Variants in FARS2 observed in about 807,000 individuals in gnomAD.
FARS2 encodes the protein phenylalanine--tRNA ligase, mitochondrial.
A neutral mutation model predicts 46.4 loss-of-function variants in FARS2; 40 were observed. The observed-to-expected ratio is 0.86, with a 90% CI of 0.67 to 1.12. FARS2 has a LOEUF of 1.12. Among genes scored for constraint, FARS2 ranks in the 50% most tolerant of loss-of-function variants. FARS2 has a pLI of 0.00. For missense variants in FARS2, 513 were observed against 567.9 expected, an observed-to-expected ratio of 0.90 and a Z score of 0.98; for synonymous variants, 234 against 214.9, an observed-to-expected ratio of 1.09 and a Z score of -0.78.
chr6:5,367,273 C>T (rs1758744432), intron 1 of FARS2, among the ~76,000 whole-genome samples: 1 of 152,300 alleles, frequency 6.6e-6, no homozygotes, highest in Admixed American at 6.5e-5. Context: ...TATGATTGCA[C>T]GGCCCTTGAA....
At chr6:5,457,279 G>C (rs1430834333) in intron 4 of FARS2, among the ~76,000 whole-genome samples, 1 of 152,174 alleles carries the variant, frequency 6.6e-6, no homozygotes, top group Non-Finnish European at 1.5e-5. Context: ...GGGGGCATGG[G>C]TATTGAATGG....
At chr6:5,702,635 C>A (rs530292456) in intron 6 of FARS2, among the ~76,000 whole-genome samples, 1 of 152,268 alleles carries the variant, frequency 6.6e-6, no homozygotes, top group Non-Finnish European at 1.5e-5. Context: ...TGGAACTTGT[C>A]CCTAAGTCAT....
chr6:5,413,359 T>C (rs1762045476), intron 3 of FARS2, among the ~76,000 whole-genome samples: 1 of 152,110 alleles, frequency 6.6e-6, no homozygotes, highest in African/African-American at 2.4e-5. Flanking sequence ...AAAAAGGCAC[T>C]GAAAATTTTA....
chr6:5,520,167 T>C (rs1323402816), intron 4 of FARS2, among the ~76,000 whole-genome samples: 1 of 152,170 alleles, frequency 6.6e-6, no homozygotes, highest in Non-Finnish European at 1.5e-5. Context: ...AGTTCAAAGA[T>C]TGAGTTTGAA....
chr6:5,610,812 T>C (rs980427209), intron 5 of FARS2, among the ~76,000 whole-genome samples: 5 of 152,256 alleles, frequency 3.3e-5, no homozygotes, highest in African/African-American at 1.2e-4. Flanking sequence ...CAGGTGGCTT[T>C]GCCTGTCCAG....
intron 6 of FARS2, among the ~76,000 whole-genome samples, chr6:5,689,244 T>G (rs1757493638): frequency 6.6e-6 from 1 of 152,152 alleles, no homozygotes; most frequent in Non-Finnish European, 1.5e-5. Context: ...CTTCTAGCTT[T>G]TGAATGTGTT....
At chr6:5,391,445 G>C (rs1760508516) in intron 2 of FARS2, among the ~76,000 whole-genome samples, 1 of 152,222 alleles carries the variant, frequency 6.6e-6, no homozygotes. Flanking sequence ...CGTTAGTACT[G>C]CAAGTGGCAG....
intron 1 of FARS2, among the ~76,000 whole-genome samples, chr6:5,308,945 C>A (rs530868837): frequency 6.6e-6 from 1 of 152,260 alleles, no homozygotes; most frequent in East Asian, 1.9e-4. Flanking sequence ...CAAGGGATCT[C>A]TCTCAGGCCT....
At chr6:5,721,661 T>G (rs550016155) in intron 6 of FARS2, among the ~76,000 whole-genome samples, 1 of 152,218 alleles carries the variant, frequency 6.6e-6, no homozygotes, top group Non-Finnish European at 1.5e-5. Context: ...TCACCAATCC[T>G]ATCAGGAATG....
intron 6 of FARS2, among the ~76,000 whole-genome samples, chr6:5,708,356 A>G (rs952147432): frequency 6.6e-5 from 10 of 152,112 alleles, no homozygotes; most frequent in Non-Finnish European, 1.0e-4. Flanking sequence ...GTGAGATCCA[A>G]GGGGACCTGT....
intron 1 of FARS2, among the ~76,000 whole-genome samples, chr6:5,349,173 TTTC>T (rs1757418601): frequency 6.6e-6 from 1 of 152,208 alleles, no homozygotes; most frequent in South Asian, 2.1e-4. Context: ...ATCCATGAGA[TTTC>T]TTTACATTAG....
intron 1 of FARS2, among the ~76,000 whole-genome samples, chr6:5,361,303 T>A (rs921848205): frequency 3.9e-5 from 6 of 152,244 alleles, no homozygotes; most frequent in Non-Finnish European, 8.8e-5. Flanking sequence ...GCTTAATCAT[T>A]CCCTTGTTGT....
intron 6 of FARS2, among the ~76,000 whole-genome samples, chr6:5,724,686 C>T (rs1017562361): frequency 6.6e-6 from 1 of 152,186 alleles, no homozygotes; most frequent in East Asian, 1.9e-4. Context: ...GTGTCCTCCC[C>T]GACACTGGCT....
chr6:5,485,485 A>C (rs1006670093), intron 4 of FARS2, among the ~76,000 whole-genome samples: 1 of 132,838 alleles, frequency 7.5e-6, no homozygotes, highest in African/African-American at 2.8e-5. Context: ...GTTAAGATTT[A>C]AAGTGGGGGG....
chr6:5,488,255 C>T (rs1766896845), intron 4 of FARS2, among the ~76,000 whole-genome samples: 1 of 152,160 alleles, frequency 6.6e-6, no homozygotes, highest in Non-Finnish European at 1.5e-5. Flanking sequence ...TACAGACATA[C>T]ATTAGTGATA....
At chr6:5,417,182 T>A (rs1277946168) in intron 3 of FARS2, among the ~76,000 whole-genome samples, 1 of 152,174 alleles carries the variant, frequency 6.6e-6, no homozygotes, top group African/African-American at 2.4e-5. Context: ...ATATTTTCAC[T>A]GGGAAAAGAA....
chr6:5,577,498 A>G (rs1439767156), intron 5 of FARS2, among the ~76,000 whole-genome samples: 2 of 152,206 alleles, frequency 1.3e-5, no homozygotes, highest in Admixed American at 1.3e-4. Flanking sequence ...AGGGCTCATT[A>G]TAGAAAAGAC....
chr6:5,514,035 G>GT (rs1282868742), intron 4 of FARS2, among the ~76,000 whole-genome samples: 1 of 151,572 alleles, frequency 6.6e-6, no homozygotes, highest in Admixed American at 6.6e-5. Flanking sequence ...CTTAAGGAGA[G>GT]TATACAATGC....
intron 4 of FARS2, among the ~76,000 whole-genome samples, chr6:5,473,308 C>T (rs1362369922): frequency 3.3e-5 from 5 of 151,832 alleles, no homozygotes; most frequent in Admixed American, 6.6e-5. Flanking sequence ...GGGTGGATCA[C>T]GAGGTCAGGA....
Sources: gnomAD v4.1 joint callset for allele counts (sites outside exome capture counted in the v4.1 genomes callset) on GRCh38, gnomAD v4.1.1 for gene constraint, MANE v1.5 for transcripts, NCBI Gene and HGNC (gene_info 2026-07-23, HGNC 2026-07-21) for gene names.